EML6: variants seen among roughly 807,000 people sequenced by gnomAD.
EML6 encodes echinoderm microtubule-associated protein-like 6.
A neutral mutation model predicts 240.1 loss-of-function variants in EML6; 154 were observed. The ratio of observed to expected loss-of-function variants is 0.64; its 90% CI spans 0.56 to 0.73. EML6 has a LOEUF of 0.73. EML6 is among the 30% of genes least tolerant of loss of function. EML6 has a pLI of 0.00. For synonymous variants in EML6, 1,148 were observed against 899.0 expected, an observed-to-expected ratio of 1.28 and a Z score of -4.95; for missense variants, 2,964 against 2,474.6, an observed-to-expected ratio of 1.20 and a Z score of -4.20.
chr2:54,851,735 C>A (rs953794272), intron 10 of EML6, among the ~76,000 whole-genome samples: 1 of 152,090 alleles, frequency 6.6e-6, no homozygotes. Context: ...TTTCATTGTT[C>A]ATTAATGTGT....
intron 30 of EML6, 31 bp downstream of exon 30, chr2:54,950,810 C>G: frequency 6.5e-7 from 1 of 1,540,406 alleles, no homozygotes; most frequent in Non-Finnish European, 8.8e-7. Flanking sequence ...ACAGGTTTTT[C>G]TTTTAGCTGT....
At chr2:54,938,406 G>C (rs1314057725) in intron 28 of EML6, among the ~76,000 whole-genome samples, 1 of 152,214 alleles carries the variant, frequency 6.6e-6, no homozygotes, top group Non-Finnish European at 1.5e-5. Flanking sequence ...AGGCGGCACT[G>C]TTAGGGCTTC....
In EML6 at chr2:54,959,100, A is replaced by G. The variant is rs767314911; in HGVS notation, c.4696-4A>G. On this transcript the variant is annotated splice_polypyrimidine_tract_variant and splice_region_variant and intron_variant, in intron 33 of 41. Transcript: ENST00000356458. ...GGGTGTAGAAGATGTTGTTTTGTTTACAGAACAATCTCACTTTCACGGGTG... is the reference window on the plus strand; with the variant it reads ...GGGTGTAGAAGATGTTGTTTTGTTTGCAGAACAATCTCACTTTCACGGGTG... The G allele has an allele frequency of 4.0e-5, 62 of 1,548,652 alleles. No homozygotes were observed. The highest frequency in any genetic ancestry group is 4.6e-5 in the Non-Finnish European group (53 of 1,145,812).
intron 2 of EML6, among the ~76,000 whole-genome samples, chr2:54,728,437 C>T (rs920793262): frequency 3.9e-5 from 6 of 152,208 alleles, no homozygotes; most frequent in African/African-American, 9.7e-5. Flanking sequence ...TCTTCTGCCT[C>T]GTTTTCCGGC....
rs772792198 is a variant in EML6, at chr2:54,911,011, G to C, written c.3467G>C (p.Arg1156Thr). Residue 1156 changes from arginine (R) to threonine (T), a missense_variant, in exon 25 of 42, where the codon AGA becomes ACA. Arg to Thr is a moderately conservative substitution (Grantham distance 71). Coordinates refer to ENST00000356458, the MANE Select transcript of EML6 (RefSeq NM_001039753.4). Reference sequence around the variant, plus strand: ...GAACAACTTTTTTTTGAAGCTCCAAGAGGCAAACGGCATATAATAAGACCT... The same window carrying C: ...GAACAACTTTTTTTTGAAGCTCCAACAGGCAAACGGCATATAATAAGACCT... The part of the protein sequence containing the change: ...AREQLFFEAP[R>T]GKRHIIRPSE... 2.7e-5 allele frequency: 41 copies of C among 1,539,156 alleles called. No homozygotes were observed. The South Asian group carries it at 4.6e-4, about 17-fold the overall frequency.
At chr2:54,854,445 C>T (rs1271723057) in intron 11 of EML6, among the ~76,000 whole-genome samples, 2 of 152,176 alleles carry the variant, frequency 1.3e-5, no homozygotes, top group African/African-American at 4.8e-5. Flanking sequence ...CACACTCAAG[C>T]GTTGTAGAAG....
rs192815354 is a variant in EML6 at position 54,914,682 on chromosome 2, C to T, written c.3499-2077C>T. Among the ~76,000 whole-genome samples the T allele has an allele frequency of 7.5e-4, 114 of 152,202 alleles. 1 individual carries two copies. The highest frequency in any genetic ancestry group is 1.1e-3 in the Non-Finnish European group (75 of 68,028). Reference sequence around the variant, plus strand: ...TCTTGGCCAACTTCCCTAGTAGTGCCGCTACTGAGAGCATTGAAGAGGTAG... The same window carrying T: ...TCTTGGCCAACTTCCCTAGTAGTGCTGCTACTGAGAGCATTGAAGAGGTAG... On this transcript the variant is annotated intron_variant, in intron 25 of 41. Coordinates refer to ENST00000356458, the MANE Select transcript of EML6 (RefSeq NM_001039753.4).
At chr2:54,859,399 C>A (rs527538240) in intron 11 of EML6, 135 bp from the exon 12 acceptor site, 5 of 676,546 alleles carry the variant, frequency 7.4e-6, no homozygotes, top group East Asian at 2.9e-5. Context: ...TTATTTGTTA[C>A]AATATGTAAG....
intron 2 of EML6, among the ~76,000 whole-genome samples, chr2:54,795,508 T>C (rs939690205): frequency 2.0e-5 from 3 of 151,648 alleles, no homozygotes; most frequent in African/African-American, 7.3e-5. Context: ...AATACACGTG[T>C]GGGGGAGGAA....
intron 30 of EML6, 62 bp from the exon 31 acceptor site, chr2:54,952,532 G>C (rs1401207453): frequency 8.7e-6 from 9 of 1,031,742 alleles, no homozygotes; most frequent in Non-Finnish European, 1.3e-5. Context: ...GCGATGTTTT[G>C]AAGTTGCCCT....
At chr2:54,871,641 TGAG>T in intron 16 of EML6, 36 bp downstream of exon 16, 1 of 1,407,644 alleles carries the variant, frequency 7.1e-7, no homozygotes, top group Non-Finnish European at 9.8e-7. Flanking sequence ...GGTTCTACGT[TGAG>T]AGAGAGAGAG....
At chr2:54,831,122 C>A (rs1039611000) in intron 7 of EML6, among the ~76,000 whole-genome samples, 5 of 152,104 alleles carry the variant, frequency 3.3e-5, no homozygotes, top group Admixed American at 3.3e-4. Flanking sequence ...CATGAAACTT[C>A]TTGGTATATC....
chr2:54,834,360 G>A (rs1451332857), intron 7 of EML6, among the ~76,000 whole-genome samples: 1 of 152,110 alleles, frequency 6.6e-6, no homozygotes, highest in Non-Finnish European at 1.5e-5. Flanking sequence ...GGCAAGAAAA[G>A]CCAAAATTCT....
intron 2 of EML6, among the ~76,000 whole-genome samples, chr2:54,792,662 A>G (rs557614988): frequency 3.3e-5 from 5 of 152,352 alleles, no homozygotes; most frequent in African/African-American, 9.6e-5. Context: ...ATTTTCCTGT[A>G]TGTAATTTAT....
chr2:54,925,056 A>G (rs564405352), intron 26 of EML6, among the ~76,000 whole-genome samples: 58 of 152,148 alleles, frequency 3.8e-4, no homozygotes, highest in Non-Finnish European at 5.7e-4. Context: ...CTAACTCCCA[A>G]TGGGACTGTA....
chr2:54,878,437 G>T (rs1671622330), intron 16 of EML6, among the ~76,000 whole-genome samples: 1 of 152,204 alleles, frequency 6.6e-6, no homozygotes, highest in Non-Finnish European at 1.5e-5. Flanking sequence ...TGCTGACCCA[G>T]AGATGGTTCT....
intron 30 of EML6, 51 bp from the exon 31 acceptor site, chr2:54,952,543 A>G: frequency 1.6e-6 from 2 of 1,262,680 alleles, no homozygotes; most frequent in South Asian, 2.7e-5. Context: ...AAGTTGCCCT[A>G]AAAGGTCTTT....
At chr2:54,865,920 A>AG (rs1670947927) in intron 13 of EML6, among the ~76,000 whole-genome samples, 1 of 152,246 alleles carries the variant, frequency 6.6e-6, no homozygotes, top group African/African-American at 2.4e-5. Flanking sequence ...TATCAAGACT[A>AG]GAATTCATTG....
chr2:54,881,322 A>G (rs887552373), intron 17 of EML6: 13 of 152,282 alleles, frequency 8.5e-5, no homozygotes, highest in African/African-American at 3.1e-4. Flanking sequence ...AATAAAGCTT[A>G]TATGTATGGC....
Sources: gnomAD v4.1 joint callset for allele counts (sites outside exome capture counted in the v4.1 genomes callset) on GRCh38, gnomAD v4.1.1 for gene constraint, MANE v1.5 for transcripts, NCBI Gene and HGNC (gene_info 2026-07-23, HGNC 2026-07-21) for gene names.